Variants in COL27A1 observed in about 807,000 individuals in gnomAD.
COL27A1 encodes collagen alpha-1(XXVII) chain.
Under a neutral mutation model 251.3 loss-of-function variants are expected in COL27A1, and 106 were observed. The observed-to-expected ratio is 0.42, with a 90% CI of 0.36 to 0.50. The LOEUF (loss-of-function observed/expected upper bound fraction) is 0.50, where lower values mean the gene tolerates loss of function less well. COL27A1 is among the 20% of genes least tolerant of loss of function. The probability of loss-of-function intolerance (pLI) is 0.00; values close to 1 mark genes in which losing one functional copy is unlikely to be tolerated. For missense variants in COL27A1, 2,325 were observed against 2,522.8 expected (o/e 0.92, Z 1.68); for synonymous variants, 1,000 against 986.3 (o/e 1.01, Z -0.26).
intron 54 of COL27A1, 31 bp from the exon 55 acceptor site, chr9:114,301,651 A>G (rs766456807): frequency 6.3e-7 from 1 of 1,591,552 alleles, no homozygotes; most frequent in Non-Finnish European, 8.6e-7. Flanking sequence ...CCTGTGGACC[A>G]GGGCTCACTC....
chr9:114,169,460 G>A lies in COL27A1; in HGVS notation c.1905G>A (p.Leu635=). ...GPPGPKGDCG[L]PGPPGLPGLP... ...CGGGACCCAAGGGAGACTGTGGCTT[G>A]CCGGTAAGACTGAGTGGGGTCTGCA... Residue 635 remains leucine, a synonymous_variant, in exon 3 of 61, where the codon TTG becomes TTA. Transcript: ENST00000356083. The A allele has an allele frequency of 6.5e-7, 1 of 1,528,024 alleles. No homozygotes were observed. The allele number at this position is 1,528,024 out of a possible 1,614,324, so 94.7% of individuals were successfully genotyped here.
chr9:114,156,834 G>T (rs1330538195), intron 1 of COL27A1, among the ~76,000 whole-genome samples: 1 of 152,058 alleles, frequency 6.6e-6, no homozygotes, highest in Non-Finnish European at 1.5e-5. Flanking sequence ...AGCCGGCGCA[G>T]CGTGTGGGTG....
At chr9:114,163,622 C>G (rs1848639936) in intron 2 of COL27A1, among the ~76,000 whole-genome samples, 1 of 152,208 alleles carries the variant, frequency 6.6e-6, no homozygotes, top group Admixed American at 6.5e-5. Context: ...AGCTGCCCTT[C>G]CCCCGCCTTC....
intron 7 of COL27A1, among the ~76,000 whole-genome samples, chr9:114,199,650 G>C (rs1193597705): frequency 6.6e-6 from 1 of 152,200 alleles, no homozygotes; most frequent in African/African-American, 2.4e-5. Context: ...CCAGGCAGAA[G>C]TGACGCCTCA....
intron 59 of COL27A1, among the ~76,000 whole-genome samples, chr9:114,308,897 C>T (rs746489448): frequency 9.2e-5 from 14 of 152,224 alleles, no homozygotes; most frequent in Non-Finnish European, 1.5e-4. Flanking sequence ...CTCATTTCCT[C>T]TGCATTCCAT....
chr9:114,182,907 C>T (rs1564440217), intron 4 of COL27A1, 115 bp from the exon 5 acceptor site: 3 of 909,372 alleles, frequency 3.3e-6, no homozygotes, highest in Admixed American at 1.9e-5. Flanking sequence ...TAGGGCTTGG[C>T]TTGGGGAGAA....
Position 114,290,120 on chromosome 9 carries a change from C to T in COL27A1, c.4260+9C>T, listed in dbSNP as rs1385450705. 4 of 1,611,626 alleles carry T rather than the reference C, an allele frequency of 2.5e-6. No homozygotes were observed. The highest frequency in any genetic ancestry group is 3.4e-6 in the Non-Finnish European group (4 of 1,179,740). On this transcript the variant is annotated intron_variant, in intron 46 of 60. Coordinates refer to ENST00000356083, the MANE Select transcript of COL27A1 (RefSeq NM_032888.4). This position sits in a 1 kb window ranked among gnomAD's most constrained non-coding sequence, Gnocchi z 4.6. ...GCCGGAGGGGGGTCCAGGTGAGTGA[C>T]TACAGCTGCTGTTTCCAGCCAACCT...
chr9:114,256,182 T>C (rs767663131), intron 27 of COL27A1, among the ~76,000 whole-genome samples: 1 of 152,200 alleles, frequency 6.6e-6, no homozygotes, highest in African/African-American at 2.4e-5. Context: ...CGATAGCACA[T>C]TGAGATCTAT....
intron 23 of COL27A1, among the ~76,000 whole-genome samples, chr9:114,244,826 G>A (rs903207366): frequency 3.3e-5 from 5 of 152,312 alleles, no homozygotes; most frequent in South Asian, 2.1e-4. Context: ...TGGTGACATC[G>A]TCTGTGTGGA....
intron 2 of COL27A1, among the ~76,000 whole-genome samples, chr9:114,166,368 A>ATCCATCCATCCGTCCATCC (rs1554786336): frequency 2.7e-5 from 1 of 37,082 alleles, no homozygotes; most frequent in Non-Finnish European, 9.0e-5. Flanking sequence ...TCCATCCATC[A>ATCCATCCATCCGTCCATCC]ATCCATCCAT....
intron 27 of COL27A1, among the ~76,000 whole-genome samples, chr9:114,257,125 T>C (rs1379023685): frequency 1.3e-5 from 2 of 152,094 alleles, no homozygotes. Context: ...TTCACACCCC[T>C]CAAAGCCATG....
At chr9:114,225,733 A>G (rs1047404200) in intron 14 of COL27A1, among the ~76,000 whole-genome samples, 6 of 152,252 alleles carry the variant, frequency 3.9e-5, no homozygotes, top group African/African-American at 1.4e-4. Flanking sequence ...GGAAATTCAA[A>G]TTTATTCAAT....
At chr9:114,175,064 G>T (rs909721105) in intron 3 of COL27A1, among the ~76,000 whole-genome samples, 3 of 9,928 alleles carry the variant, frequency 3.0e-4, no homozygotes, top group Non-Finnish European at 5.2e-4. Context: ...GGCTCTTCCA[G>T]CTGGACACAA....
chr9:114,264,877 T>A (rs1834625395), intron 29 of COL27A1, 47 bp from the exon 30 acceptor site: 7 of 1,577,298 alleles, frequency 4.4e-6, no homozygotes, highest in South Asian at 1.2e-5. Context: ...TGGGGAACGG[T>A]CCTCCCAAGC....
At chr9:114,187,865 G>A (rs539217967) in intron 5 of COL27A1, among the ~76,000 whole-genome samples, 18 of 152,296 alleles carry the variant, frequency 1.2e-4, no homozygotes, top group Admixed American at 6.5e-4. Context: ...TAACATTACT[G>A]TATGTAAATG....
At chr9:114,285,894 C>G (rs913184773) in intron 41 of COL27A1, among the ~76,000 whole-genome samples, 3 of 152,324 alleles carry the variant, frequency 2.0e-5, no homozygotes, top group African/African-American at 7.2e-5. Context: ...GACCCTAACA[C>G]CAAATCTGCC....
intron 28 of COL27A1, 23 bp from the exon 29 acceptor site, chr9:114,264,332 C>T (rs1834572454): frequency 6.4e-7 from 1 of 1,574,592 alleles, no homozygotes; most frequent in Non-Finnish European, 8.6e-7. Flanking sequence ...GTCCGGTGTG[C>T]TAGTCCCTTT....
intron 41 of COL27A1, among the ~76,000 whole-genome samples, chr9:114,285,837 G>A (rs1044044821): frequency 1.2e-4 from 19 of 152,208 alleles, no homozygotes; most frequent in African/African-American, 3.9e-4. Flanking sequence ...CCTCTGCGCC[G>A]GAGCATCTGC....
In COL27A1 at chr9:114,288,942, G is replaced by T; in HGVS notation, c.4127G>T (p.Gly1376Val). Residue 1376 changes from glycine to valine, a missense_variant, in exon 44 of 61, where the codon GGA becomes GTA. By Grantham distance (109) the Gly-to-Val change is moderately radical. Coordinates refer to ENST00000356083, the MANE Select transcript of COL27A1 (RefSeq NM_032888.4). ...PGQEGVQGLR[G>V]KPGQQGQPGH... ...CAGGAGGGTGTGCAAGGCCTCCGTG[G>T]AAAGCCAGGCCAGCAGGGCCAACCC... 1.9e-6 allele frequency: 3 copies of T among 1,613,708 alleles called. No homozygotes were observed. Among genetic ancestry groups the T allele is most frequent in the Non-Finnish European group, 1.7e-6 (2 of 1,180,006 alleles).
Sources: gnomAD v4.1 joint callset for allele counts (sites outside exome capture counted in the v4.1 genomes callset) on GRCh38, gnomAD v4.1.1 for gene constraint, Gnocchi (gnomAD v3.1) non-coding constraint, MANE v1.5 for transcripts, NCBI Gene and HGNC (gene_info 2026-07-23, HGNC 2026-07-21) for gene names.